The following VANGL1 variants were observed in gnomAD, a reference collection of about 807,000 sequenced individuals.
VANGL1 encodes vang-like protein 1.
VANGL1 carries 18 observed loss-of-function variants against 48.4 expected under a neutral mutation model. That is an observed-to-expected ratio of 0.37 (90% CI 0.26 to 0.55). The LOEUF is 0.55. Ranked by LOEUF, VANGL1 falls within the 20% of genes least tolerant of loss-of-function variation. The pLI, the probability that VANGL1 is intolerant of heterozygous loss-of-function variation, is 0.81. For missense variants in VANGL1, 667 were observed against 675.8 expected (o/e 0.99, Z 0.14); for synonymous variants, 257 against 261.8 (o/e 0.98, Z 0.18).
chr1:115,642,311 C>A (rs1017416965), intron 1 of VANGL1, among the ~76,000 whole-genome samples: 4 of 152,002 alleles, frequency 2.6e-5, no homozygotes, highest in African/African-American at 9.7e-5. Context: ...CTCTTCTCCC[C>A]ATGCGTTGCG....
intron 1 of VANGL1, among the ~76,000 whole-genome samples, chr1:115,645,402 A>T (rs1255847406): frequency 6.6e-6 from 1 of 152,212 alleles, no homozygotes; most frequent in Non-Finnish European, 1.5e-5. Context: ...GTGAGTGCCT[A>T]CCACGTGCTA....
At chr1:115,678,817 G>A (rs991510808) in intron 4 of VANGL1, among the ~76,000 whole-genome samples, 5 of 152,020 alleles carry the variant, frequency 3.3e-5, no homozygotes, top group Non-Finnish European at 7.4e-5. Context: ...TTAGCTGGGC[G>A]TGGTGGCACG....
chr1:115,657,036 G>A (rs1049495802), intron 2 of VANGL1, among the ~76,000 whole-genome samples: 9 of 152,230 alleles, frequency 5.9e-5, no homozygotes, highest in Non-Finnish European at 1.3e-4. Context: ...GGCTGGTGGA[G>A]CAGCAGTTCT....
chr1:115,668,944 T>C (rs1652883937), intron 4 of VANGL1, among the ~76,000 whole-genome samples: 1 of 152,196 alleles, frequency 6.6e-6, no homozygotes, highest in Non-Finnish European at 1.5e-5. Flanking sequence ...ATCCCACATT[T>C]AAGGAGAGAG....
At chr1:115,689,027 G>A (rs1213304586) in intron 7 of VANGL1, among the ~76,000 whole-genome samples, 1 of 136,328 alleles carries the variant, frequency 7.3e-6, no homozygotes, top group Non-Finnish European at 1.6e-5. Context: ...TCCTGACCTC[G>A]TGATCTGCCT....
rs971175521 is a variant in VANGL1, at chr1:115,690,161, C to G, written c.1315-958C>G. On this transcript the variant is annotated intron_variant, in intron 7 of 7. Coordinates refer to ENST00000355485, the MANE Select transcript of VANGL1 (RefSeq NM_138959.3). Reference sequence around the variant, plus strand: ...AAATTAAAGAAACAAAACATACTTCCTGCCCTTCAAGAGAGTGAAGTGTAG... The same window carrying G: ...AAATTAAAGAAACAAAACATACTTCGTGCCCTTCAAGAGAGTGAAGTGTAG... 8.2e-5 allele frequency among the ~76,000 whole-genome samples: 7 copies of G among 85,242 alleles called. 3 individuals are homozygous for G. Among genetic ancestry groups the G allele is most frequent in the Admixed American group, 3.8e-4 (3 of 7,842 alleles). 55.9% of individuals were successfully genotyped at this position (85,242 alleles called of 152,430 possible).
At chr1:115,662,174 T>A (rs1652582596) in intron 3 of VANGL1, among the ~76,000 whole-genome samples, 1 of 152,100 alleles carries the variant, frequency 6.6e-6, no homozygotes, top group Non-Finnish European at 1.5e-5. Flanking sequence ...GATTGAGACC[T>A]TCACCACCAC....
Position 115,685,372 on chromosome 1 carries a change from G to A in VANGL1, c.1159G>A (p.Val387Met). The A allele has an allele frequency of 1.2e-6, 2 of 1,614,068 alleles. No homozygotes were observed. Among genetic ancestry groups the A allele is most frequent in the Non-Finnish European group, 1.7e-6 (2 of 1,179,966 alleles). ...AEEQQKAPGE[V>M]MDPREAAQAI... Reference sequence around the variant, plus strand: ...GGAGCAGCAGAAAGCCCCAGGGGAGGTGATGGACCCTAGGGAGGCCGCCCA... The same window carrying A: ...GGAGCAGCAGAAAGCCCCAGGGGAGATGATGGACCCTAGGGAGGCCGCCCA... The change falls in exon 7 of 8, where the codon GTG becomes ATG. Residue 387 changes from valine (V) to methionine (M), a missense_variant. Coordinates refer to ENST00000355485, the MANE Select transcript of VANGL1 (RefSeq NM_138959.3).
At chr1:115,676,589 C>T (rs572529246) in intron 4 of VANGL1, among the ~76,000 whole-genome samples, 4 of 152,340 alleles carry the variant, frequency 2.6e-5, no homozygotes, top group African/African-American at 7.2e-5. Context: ...GGCTACTCCT[C>T]TTTAGGAAGC....
chr1:115,673,266 T>C (rs987986716), intron 4 of VANGL1, among the ~76,000 whole-genome samples: 2 of 152,204 alleles, frequency 1.3e-5, no homozygotes, highest in Admixed American at 6.5e-5. Context: ...TCCATTACCA[T>C]TGACCAGCTT....
chr1:115,679,712 A>G (rs1399690690), intron 4 of VANGL1, among the ~76,000 whole-genome samples: 1 of 152,226 alleles, frequency 6.6e-6, no homozygotes, highest in East Asian at 1.9e-4. Flanking sequence ...AGCAACCACA[A>G]GATAGTTTTG....
At chr1:115,683,759 C>T (rs1269326124) in intron 5 of VANGL1, among the ~76,000 whole-genome samples, 185 bp from the exon 6 acceptor site, 1 of 152,186 alleles carries the variant, frequency 6.6e-6, no homozygotes, top group Non-Finnish European at 1.5e-5. Context: ...TGCTCCCTTG[C>T]TTTGGACATA....
chr1:115,671,927 C>G (rs1258596266), intron 4 of VANGL1, among the ~76,000 whole-genome samples: 1 of 152,232 alleles, frequency 6.6e-6, no homozygotes, highest in Non-Finnish European at 1.5e-5. Flanking sequence ...AGCAGTGTGT[C>G]TCTGCACTCA....
At chr1:115,660,837 G>T (rs1570747201) in intron 3 of VANGL1, among the ~76,000 whole-genome samples, 2 of 152,204 alleles carry the variant, frequency 1.3e-5, no homozygotes, top group African/African-American at 4.8e-5. Context: ...ACAATTGTGG[G>T]TTGAACGTGG....
At chr1:115,673,851 C>T (rs1297310528) in intron 4 of VANGL1, among the ~76,000 whole-genome samples, 2 of 152,000 alleles carry the variant, frequency 1.3e-5, no homozygotes, top group Non-Finnish European at 2.9e-5. Context: ...CTGCCTGTGT[C>T]GGCCTCCCAA....
intron 2 of VANGL1, among the ~76,000 whole-genome samples, chr1:115,651,882 G>T (rs947840081): frequency 6.6e-6 from 1 of 151,756 alleles, no homozygotes; most frequent in African/African-American, 2.4e-5. Context: ...TCAGCCTCCC[G>T]AGTAGCTGAG....
Position 115,696,999 on chromosome 1 carries a change from G to C in VANGL1, c.*5620G>C, listed in dbSNP as rs1425493653. 1 of 152,170 alleles carries C rather than the reference G, an allele frequency of 6.6e-6. No individual in the cohort carries two copies. The highest frequency in any genetic ancestry group is 1.5e-5 in the Non-Finnish European group (1 of 68,022). 9.4% of individuals were successfully genotyped at this position (152,170 alleles called of 1,614,324 possible). ...CATTATTTGAATGTACAGTTGTTTG[G>C]TTTTGTATGTGCTTATCTTTATCTG... On this transcript the variant is annotated 3_prime_UTR_variant, in exon 8 of 8. Transcript: ENST00000355485.
rs1235947055 is a variant in VANGL1 at position 115,695,877 on chromosome 1, G to A, written c.*4498G>A. ...TGATTCGGCACTTCTGGATGTTGAG[G>A]AAGGACCTAGAGACACATCCTTGAA... On this transcript the variant is annotated 3_prime_UTR_variant, in exon 8 of 8. Transcript: ENST00000355485. The A allele has an allele frequency of 6.6e-6, 1 of 152,204 alleles. No individual in the cohort carries two copies. Among genetic ancestry groups the A allele is most frequent in the Non-Finnish European group, 1.5e-5 (1 of 68,044 alleles). 9.4% of individuals were successfully genotyped at this position (152,204 alleles called of 1,614,324 possible). A position where few individuals can be genotyped will look rare whatever the true frequency, so the allele number is the denominator to read the frequency against.
intron 4 of VANGL1, among the ~76,000 whole-genome samples, chr1:115,674,792 A>T (rs952879489): frequency 3.9e-5 from 6 of 152,174 alleles, no homozygotes; most frequent in Admixed American, 6.5e-5. Context: ...GTTGCAGGCC[A>T]TAAAGTGTGA....
Sources: gnomAD v4.1 joint callset for allele counts (sites outside exome capture counted in the v4.1 genomes callset) on GRCh38, gnomAD v4.1.1 for gene constraint, MANE v1.5 for transcripts, NCBI Gene and HGNC (gene_info 2026-07-23, HGNC 2026-07-21) for gene names.